AGBL1: variants seen among roughly 807,000 people sequenced by gnomAD.
AGBL1 encodes the protein cytosolic carboxypeptidase 4.
In AGBL1, 130 loss-of-function variants were observed where a neutral mutation model predicts 118.9. That is an observed-to-expected ratio of 1.09 (90% CI 0.95 to 1.26). The LOEUF (loss-of-function observed/expected upper bound fraction) is 1.26. Ranked by LOEUF, AGBL1 falls within the 50% of genes most tolerant of loss-of-function variation. AGBL1 has a pLI of 0.00. For synonymous variants in AGBL1, 555 were observed against 478.9 expected, an observed-to-expected ratio of 1.16 and a Z score of -2.08; for missense variants, 1,584 against 1,298.1, an observed-to-expected ratio of 1.22 and a Z score of -3.38.
intron 3 of AGBL1, among the ~76,000 whole-genome samples, chr15:86,147,172 C>T (rs555378967): frequency 2.0e-4 from 31 of 152,268 alleles, no homozygotes; most frequent in Admixed American, 5.9e-4. Flanking sequence ...GGAACAGCTC[C>T]GGTCTGCAGC....
intron 24 of AGBL1, among the ~76,000 whole-genome samples, chr15:86,990,182 G>T (rs2081324024): frequency 1.3e-5 from 2 of 152,124 alleles, no homozygotes; most frequent in African/African-American, 2.4e-5. Flanking sequence ...GGGCTCTTGT[G>T]TAACTCCAGA....
chr15:86,505,239 T>C (rs2142166752), intron 18 of AGBL1, among the ~76,000 whole-genome samples: 1 of 152,084 alleles, frequency 6.6e-6, no homozygotes, highest in Non-Finnish European at 1.5e-5. Context: ...GGACCCTGAG[T>C]TTATCTTTCT....
chr15:86,186,078 T>C (rs1489025492), intron 5 of AGBL1, among the ~76,000 whole-genome samples: 1 of 152,202 alleles, frequency 6.6e-6, no homozygotes, highest in South Asian at 2.1e-4. Context: ...ATTGAATTCA[T>C]TCAAATCTTT....
At chr15:86,982,250 C>T (rs2081238456) in intron 23 of AGBL1, among the ~76,000 whole-genome samples, 2 of 152,082 alleles carry the variant, frequency 1.3e-5, no homozygotes, top group Non-Finnish European at 2.9e-5. Context: ...CAAATATGCA[C>T]ATTTCCAATT....
chr15:86,858,107 G>A (rs1212279385), intron 22 of AGBL1, among the ~76,000 whole-genome samples: 2 of 152,262 alleles, frequency 1.3e-5, no homozygotes, highest in Non-Finnish European at 2.9e-5. Context: ...CAAATAGTAT[G>A]TAAGGCCATG....
At chr15:86,435,737 T>G (rs2081993431) in intron 18 of AGBL1, among the ~76,000 whole-genome samples, 1 of 152,170 alleles carries the variant, frequency 6.6e-6, no homozygotes, top group Non-Finnish European at 1.5e-5. Context: ...GTACATTTAT[T>G]TACCTCTCTG....
chr15:86,183,711 A>C (rs557066646), intron 5 of AGBL1, among the ~76,000 whole-genome samples: 1 of 152,314 alleles, frequency 6.6e-6, no homozygotes, highest in South Asian at 2.1e-4. Flanking sequence ...AGTAATCCTC[A>C]TCACACATAA....
At chr15:86,729,260 A>G (rs554123610) in intron 22 of AGBL1, among the ~76,000 whole-genome samples, 3 of 152,198 alleles carry the variant, frequency 2.0e-5, no homozygotes, top group Non-Finnish European at 4.4e-5. Context: ...CTATTTTCTG[A>G]AATCTTCGCT....
intron 19 of AGBL1, among the ~76,000 whole-genome samples, chr15:86,541,451 G>A (rs557966903): frequency 7.2e-5 from 11 of 152,122 alleles, no homozygotes; most frequent in Middle Eastern, 3.4e-3. Flanking sequence ...AATTAGCCAC[G>A]TATGGTGTCG....
chr15:86,155,168 C>A (rs913702480), intron 4 of AGBL1, among the ~76,000 whole-genome samples: 2 of 152,102 alleles, frequency 1.3e-5, no homozygotes, highest in East Asian at 3.9e-4. Context: ...GAAAAAGAAA[C>A]TTTAAAGAGT....
rs202160199 is a variant in AGBL1, at chr15:86,821,955, C to T, written c.3159-85132C>T. On this transcript the variant is annotated intron_variant, in intron 22 of 22. Coordinates refer to ENST00000614907, the MANE Select transcript of AGBL1 (RefSeq NM_001386094.1). ...CAACCCACCTTACCTCATACCTGTGCTGGTCACCTTTCGGCTCCTGTCTCA... is the reference window on the plus strand; with the variant it reads ...CAACCCACCTTACCTCATACCTGTGTTGGTCACCTTTCGGCTCCTGTCTCA... 9.9e-5 allele frequency among the ~76,000 whole-genome samples: 15 copies of T among 152,246 alleles called. No homozygotes were observed. The East Asian group carries it at 2.9e-3, about 30-fold the overall frequency.
chr15:86,745,337 C>T (rs2077740250), intron 22 of AGBL1, among the ~76,000 whole-genome samples: 1 of 152,004 alleles, frequency 6.6e-6, no homozygotes, highest in African/African-American at 2.4e-5. Context: ...GTTTACATGA[C>T]CTGCTCTGAA....
chr15:86,228,062 A>G (rs529632234), intron 6 of AGBL1, among the ~76,000 whole-genome samples: 1 of 152,314 alleles, frequency 6.6e-6, no homozygotes, highest in East Asian at 1.9e-4. Flanking sequence ...AAAAGTATTG[A>G]TGGCATGAAG....
chr15:86,248,472 C>G (rs1439587922), intron 7 of AGBL1, among the ~76,000 whole-genome samples: 4 of 152,184 alleles, frequency 2.6e-5, no homozygotes, highest in African/African-American at 9.7e-5. Context: ...CAAATCCTAG[C>G]TCTAGGGCCT....
intron 21 of AGBL1, among the ~76,000 whole-genome samples, chr15:86,604,789 TTTTC>T (rs1432965177): frequency 1.3e-5 from 2 of 150,824 alleles, no homozygotes; most frequent in Admixed American, 6.6e-5. Flanking sequence ...TTTTTTTTTC[TTTTC>T]TTTCTTTTTT....
chr15:86,434,073 G>A (rs536169408), intron 18 of AGBL1, among the ~76,000 whole-genome samples: 16 of 152,316 alleles, frequency 1.1e-4, no homozygotes, highest in Non-Finnish European at 2.1e-4. Flanking sequence ...TCCTTTTATC[G>A]TGGCTGAAAT....
At chr15:86,464,604 G>T (rs1257442865) in intron 18 of AGBL1, among the ~76,000 whole-genome samples, 1 of 152,152 alleles carries the variant, frequency 6.6e-6, no homozygotes, top group Non-Finnish European at 1.5e-5. Context: ...ATTATTTTGA[G>T]ATATGTTCCA....
At chr15:86,373,392 T>G (rs904131158) in intron 17 of AGBL1, among the ~76,000 whole-genome samples, 1 of 152,172 alleles carries the variant, frequency 6.6e-6, no homozygotes, top group Non-Finnish European at 1.5e-5. Context: ...GACAGAATAG[T>G]AATGGCTTAG....
chr15:86,359,185 T>C (rs2080765038), intron 17 of AGBL1, among the ~76,000 whole-genome samples: 1 of 151,816 alleles, frequency 6.6e-6, no homozygotes, highest in Admixed American at 6.6e-5. Flanking sequence ...CTGTTTTGAG[T>C]TGATTTTTAT....
Sources: allele counts gnomAD v4.1 joint callset (sites outside exome capture counted in the v4.1 genomes callset), GRCh38; gene constraint gnomAD v4.1.1; transcripts MANE v1.5; gene names NCBI Gene and HGNC (gene_info 2026-07-23, HGNC 2026-07-21).